Variants in EIF2AK4 observed in about 807,000 individuals in gnomAD.
The protein encoded by EIF2AK4 is eIF-2-alpha kinase GCN2.
Under a neutral mutation model 211.1 loss-of-function variants are expected in EIF2AK4, and 139 were observed. The observed-to-expected ratio is 0.66, with a 90% CI of 0.57 to 0.76. EIF2AK4 has a LOEUF of 0.76. Ranked by LOEUF, EIF2AK4 falls within the 30% of genes least tolerant of loss-of-function variation. The pLI, the probability that EIF2AK4 is intolerant of heterozygous loss-of-function variation, is 0.00. For synonymous variants in EIF2AK4, 710 were observed against 751.3 expected (o/e 0.94, Z 0.90); for missense variants, 1,664 against 2,043.8 (o/e 0.81, Z 3.58).
intron 23 of EIF2AK4, among the ~76,000 whole-genome samples, chr15:40,005,567 T>C (rs2035149128): frequency 6.6e-6 from 1 of 151,718 alleles, no homozygotes; most frequent in South Asian, 2.1e-4. Context: ...CTGCATGTAC[T>C]TTTTTGTTTT....
chr15:40,002,180 GA>G (rs1415613136), intron 21 of EIF2AK4, among the ~76,000 whole-genome samples: 1 of 152,114 alleles, frequency 6.6e-6, no homozygotes, highest in East Asian at 1.9e-4. Flanking sequence ...ATATTTGCAG[GA>G]TTATAGGTGA....
chr15:40,017,775 G>C (rs139310290), intron 29 of EIF2AK4, among the ~76,000 whole-genome samples: 2 of 151,492 alleles, frequency 1.3e-5, no homozygotes, highest in Non-Finnish European at 2.9e-5. Flanking sequence ...TCAAACTCCT[G>C]AGCTCAAGCA....
chr15:40,007,388 C>T (rs1198308888), intron 24 of EIF2AK4, among the ~76,000 whole-genome samples: 1 of 152,194 alleles, frequency 6.6e-6, no homozygotes, highest in African/African-American at 2.4e-5. Flanking sequence ...TTCATGATCA[C>T]AGATGGCCCC....
At chr15:40,033,234 C>T (rs1392059790) in intron 37 of EIF2AK4, among the ~76,000 whole-genome samples, 1 of 152,124 alleles carries the variant, frequency 6.6e-6, no homozygotes, top group Non-Finnish European at 1.5e-5. Context: ...AGTAGTAGAA[C>T]CAGGATTTGA....
intron 19 of EIF2AK4, among the ~76,000 whole-genome samples, chr15:39,997,473 T>A (rs554141545): frequency 5.9e-5 from 9 of 152,262 alleles, no homozygotes; most frequent in African/African-American, 2.2e-4. Flanking sequence ...TTTTAAAAAA[T>A]TATTCTGAGA....
intron 7 of EIF2AK4, among the ~76,000 whole-genome samples, chr15:39,965,326 G>A (rs1319285970): frequency 6.6e-6 from 1 of 152,116 alleles, no homozygotes; most frequent in Non-Finnish European, 1.5e-5. Context: ...GTTTCACCAT[G>A]TTGTCCAGGC....
chr15:40,015,515 C>G (rs1278518263), intron 27 of EIF2AK4, among the ~76,000 whole-genome samples: 1 of 152,136 alleles, frequency 6.6e-6, no homozygotes, highest in African/African-American at 2.4e-5. Flanking sequence ...ATGGGAAGGA[C>G]CCGCCCACAT....
At chr15:39,994,263 T>C (rs979044834) in intron 18 of EIF2AK4, among the ~76,000 whole-genome samples, 6 of 152,210 alleles carry the variant, frequency 3.9e-5, no homozygotes, top group Non-Finnish European at 8.8e-5. Context: ...GATTTAAAGC[T>C]ATGAGACTGG....
intron 27 of EIF2AK4, 47 bp downstream of exon 27, chr15:40,011,393 T>A: frequency 6.6e-7 from 1 of 1,515,278 alleles, no homozygotes; most frequent in South Asian, 1.2e-5. Flanking sequence ...TGTAATTTTG[T>A]GATACCAGAA....
chr15:39,977,327 T>C (rs1353302884), intron 12 of EIF2AK4: 1 of 153,074 alleles, frequency 6.5e-6, no homozygotes, highest in Non-Finnish European at 1.5e-5. Context: ...TAGAGTCTCA[T>C]AATGACTGCT....
chr15:40,014,063 T>A (rs12050693), intron 27 of EIF2AK4, among the ~76,000 whole-genome samples: 16,908 of 152,218 alleles, frequency 0.11, 1,766 homozygotes, highest in East Asian at 0.28. Flanking sequence ...AAAGGCCCCA[T>A]GCAAGTCTAG....
chr15:39,990,174 C>A, intron 15 of EIF2AK4, 99 bp from the exon 16 acceptor site: 1 of 1,153,552 alleles, frequency 8.7e-7, no homozygotes, highest in Admixed American at 1.8e-5. Flanking sequence ...GAGAAGACCT[C>A]ATACGATTTT....
rs746160842 is a variant in EIF2AK4, at chr15:39,976,818, C to A, written c.2223C>A (p.His741Gln). 6.4e-7 allele frequency: 1 copy of A among 1,550,468 alleles called. No homozygotes were observed. Among genetic ancestry groups the A allele is most frequent in the Non-Finnish European group, 8.7e-7 (1 of 1,149,776 alleles). Residue 741 changes from histidine (H) to glutamine (Q), a missense_variant, in exon 12 of 39, where the codon CAC (histidine) becomes CAA (glutamine). By Grantham distance (24) the His-to-Gln change is conservative. This residue lies in a region of EIF2AK4 where 206 missense variants were observed against 201.9 expected (regional missense o/e 1.02). Transcript: ENST00000263791. ...SDDEDDDEDE[H>Q]GGVFSQSFLP... is the part of the protein sequence containing the mutation. Reference sequence around the variant, plus strand: ...ACGAGGACGACGACGAGGACGAGCACGGTGGCGTCTTCTCCCAGTCCTTCC... The same window carrying A: ...ACGAGGACGACGACGAGGACGAGCAAGGTGGCGTCTTCTCCCAGTCCTTCC...
At position 39,976,659 on chromosome 15, in the gene EIF2AK4, C is replaced by A. The variant is rs774259183; in HGVS notation, c.2064C>A (p.Ser688Arg). The change falls in exon 12 of 39, where the codon AGC becomes AGA. Residue 688 changes from serine (S) to arginine (R), a missense_variant. By Grantham distance (110) the Ser-to-Arg change is moderately radical. Coordinates refer to ENST00000263791, the MANE Select transcript of EIF2AK4 (RefSeq NM_001013703.4). Reference sequence around the variant, plus strand: ...GAGCTGCACGCGGGCAGCCGGCGAGCGACACAGACGGCCTGGACAGCGTAG... The same window carrying A: ...GAGCTGCACGCGGGCAGCCGGCGAGAGACACAGACGGCCTGGACAGCGTAG... ...DDRAARGQPASDTDGLDSVEA... is the reference protein window; with the variant it reads ...DDRAARGQPARDTDGLDSVEA... 7 of 1,603,718 alleles carry A rather than the reference C, an allele frequency of 4.4e-6. No individual in the cohort carries two copies. The highest frequency in any genetic ancestry group is 3.4e-5 in the Admixed American group (2 of 59,584).
chr15:39,970,409 C>T (rs181527665), intron 9 of EIF2AK4, among the ~76,000 whole-genome samples: 177 of 152,184 alleles, frequency 1.2e-3, no homozygotes, highest in Middle Eastern at 3.4e-3. Flanking sequence ...AGAAACCCAA[C>T]AGGGCATATA....
intron 23 of EIF2AK4, among the ~76,000 whole-genome samples, chr15:40,004,698 G>C (rs1385653806): frequency 6.6e-6 from 1 of 152,156 alleles, no homozygotes. Flanking sequence ...AACAGGGCAA[G>C]ACTCTGTCTC....
intron 29 of EIF2AK4, among the ~76,000 whole-genome samples, chr15:40,018,687 T>G (rs1293473476): frequency 6.6e-6 from 1 of 152,214 alleles, no homozygotes; most frequent in African/African-American, 2.4e-5. Flanking sequence ...TTATAATATA[T>G]CTTATTTAAC....
intron 12 of EIF2AK4, chr15:39,977,064 T>G (rs2034709281): frequency 4.4e-6 from 2 of 458,002 alleles, no homozygotes; most frequent in Non-Finnish European, 7.4e-6. Flanking sequence ...CCCCCAACAT[T>G]AATCCCCACC....
At chr15:39,997,618 G>A (rs144775991) in intron 19 of EIF2AK4, among the ~76,000 whole-genome samples, 1 of 152,302 alleles carries the variant, frequency 6.6e-6, no homozygotes, top group Non-Finnish European at 1.5e-5. Flanking sequence ...GAATGGGCCA[G>A]TTGTAGTAAC....
Sources: gnomAD v4.1 joint callset for allele counts (sites outside exome capture counted in the v4.1 genomes callset) on GRCh38, gnomAD v4.1.1 for gene constraint, gnomAD v4.1.1 regional missense constraint, MANE v1.5 for transcripts, NCBI Gene and HGNC (gene_info 2026-07-23, HGNC 2026-07-21) for gene names.